The following KCNQ3 variants were observed in gnomAD, a reference collection of about 807,000 sequenced individuals.
The protein encoded by KCNQ3 is potassium voltage-gated channel subfamily Q member 3.
Under a neutral mutation model 92.5 loss-of-function variants are expected in KCNQ3, and 30 were observed. That is an observed-to-expected ratio of 0.32 (90% CI 0.24 to 0.44). The LOEUF (loss-of-function observed/expected upper bound fraction) is 0.44. Among genes scored for constraint, KCNQ3 ranks in the 20% least tolerant of loss-of-function variants. The pLI is 1.00. For missense variants in KCNQ3, 913 were observed against 1,140.3 expected, an observed-to-expected ratio of 0.80 and a Z score of 2.87; for synonymous variants, 450 against 468.8, an observed-to-expected ratio of 0.96 and a Z score of 0.52.
At chr8:132,385,742 TG>T (rs1204354250) in intron 1 of KCNQ3, among the ~76,000 whole-genome samples, 5 of 152,034 alleles carry the variant, frequency 3.3e-5, no homozygotes, top group African/African-American at 1.2e-4. Context: ...AATTTGTGTA[TG>T]GGTACAAAGT....
intron 1 of KCNQ3, among the ~76,000 whole-genome samples, chr8:132,445,125 C>A (rs1290898239): frequency 6.6e-6 from 1 of 152,104 alleles, no homozygotes; most frequent in Non-Finnish European, 1.5e-5. Flanking sequence ...CTCAGAAAGG[C>A]AAAAGGACCA....
intron 1 of KCNQ3, among the ~76,000 whole-genome samples, chr8:132,339,573 T>C (rs983243399): frequency 2.6e-5 from 4 of 152,182 alleles, no homozygotes; most frequent in African/African-American, 9.7e-5. Context: ...TTTTAAAAAT[T>C]AGCTGGGCAT....
intron 1 of KCNQ3, among the ~76,000 whole-genome samples, chr8:132,414,139 C>G (rs77793661): frequency 0.027 from 4,042 of 152,246 alleles, 180 homozygotes; most frequent in African/African-American, 0.092. Flanking sequence ...GGAGCTTAAC[C>G]TATATTATTT....
intron 1 of KCNQ3, among the ~76,000 whole-genome samples, chr8:132,375,769 C>T (rs543449168): frequency 6.6e-6 from 1 of 152,230 alleles, no homozygotes; most frequent in South Asian, 2.1e-4. Flanking sequence ...TCTCCTGGCC[C>T]ACTCCTTTTC....
intron 1 of KCNQ3, among the ~76,000 whole-genome samples, chr8:132,338,216 G>A (rs1486501244): frequency 6.6e-6 from 1 of 152,172 alleles, no homozygotes; most frequent in Non-Finnish European, 1.5e-5. Flanking sequence ...GGACCTTGGA[G>A]GTGAGGAGGC....
intron 1 of KCNQ3, among the ~76,000 whole-genome samples, chr8:132,439,578 G>T (rs1821481941): frequency 6.6e-6 from 1 of 152,142 alleles, no homozygotes; most frequent in South Asian, 2.1e-4. Context: ...GATGATTCCA[G>T]ATTACCTAGG....
intron 2 of KCNQ3, among the ~76,000 whole-genome samples, chr8:132,184,882 A>T (rs1826914236): frequency 6.6e-6 from 1 of 152,220 alleles, no homozygotes; most frequent in Non-Finnish European, 1.5e-5. Context: ...ACCAAGGCAC[A>T]GAGTAGTTAA....
intron 1 of KCNQ3, among the ~76,000 whole-genome samples, chr8:132,194,658 A>G (rs1430559306): frequency 6.6e-6 from 1 of 152,192 alleles, no homozygotes; most frequent in African/African-American, 2.4e-5. Flanking sequence ...TTCCCTTGGA[A>G]CCCAGACATG....
chr8:132,137,764 T>C, intron 12 of KCNQ3, 121 bp downstream of exon 12: 1 of 1,235,470 alleles, frequency 8.1e-7, no homozygotes, highest in Non-Finnish European at 1.2e-6. Flanking sequence ...GCTTCGTGGA[T>C]ATTTGTCTTC....
intron 1 of KCNQ3, among the ~76,000 whole-genome samples, chr8:132,362,483 T>C (rs574799587): frequency 6.6e-6 from 1 of 152,252 alleles, no homozygotes; most frequent in African/African-American, 2.4e-5. Flanking sequence ...ACAAAAACCA[T>C]GCCCTTGAGA....
chr8:132,459,317 TA>T (rs1822010031), intron 1 of KCNQ3, among the ~76,000 whole-genome samples: 1 of 152,186 alleles, frequency 6.6e-6, no homozygotes, highest in Non-Finnish European at 1.5e-5. Context: ...GGGTAACTTA[TA>T]AAGACAAGAG....
intron 1 of KCNQ3, among the ~76,000 whole-genome samples, chr8:132,218,802 C>A (rs1245247839): frequency 1.3e-5 from 2 of 151,878 alleles, no homozygotes; most frequent in African/African-American, 4.8e-5. Context: ...TGATAAATTT[C>A]CCTTACTGTG....
intron 1 of KCNQ3, among the ~76,000 whole-genome samples, chr8:132,435,142 G>T (rs796820392): frequency 6.6e-6 from 1 of 152,204 alleles, no homozygotes; most frequent in Non-Finnish European, 1.5e-5. Context: ...GTTAAGAAAG[G>T]ATGTGAGAAG....
At chr8:132,145,147 A>G (rs1825414415) in intron 9 of KCNQ3, among the ~76,000 whole-genome samples, 1 of 152,214 alleles carries the variant, frequency 6.6e-6, no homozygotes, top group Non-Finnish European at 1.5e-5. Context: ...GAAATTCCCA[A>G]CAAAGAATTA....
intron 1 of KCNQ3, among the ~76,000 whole-genome samples, chr8:132,247,932 A>G (rs1362805435): frequency 6.6e-6 from 1 of 151,898 alleles, no homozygotes; most frequent in African/African-American, 2.4e-5. Flanking sequence ...GACGAATGTT[A>G]GCTCACTTAA....
intron 1 of KCNQ3, among the ~76,000 whole-genome samples, chr8:132,256,206 A>G (rs1203213560): frequency 6.6e-6 from 1 of 152,176 alleles, no homozygotes. Flanking sequence ...AATAAAAAAT[A>G]AAGTGAAATG....
rs139063661 is a variant in KCNQ3, at chr8:132,144,092, G to A, written c.1263-2761C>T. On this transcript the variant is annotated intron_variant, in intron 9 of 14. Transcript: ENST00000388996. ...TTGGTTCTATCTGTGCTGGGATTTAGGATTTGCTTGTTAGATATTTAAATG... is the reference window on the plus strand; with the variant it reads ...TTGGTTCTATCTGTGCTGGGATTTAAGATTTGCTTGTTAGATATTTAAATG... Among the ~76,000 whole-genome samples, 260 of 152,288 alleles carry A rather than the reference G, an allele frequency of 1.7e-3. 2 individuals are homozygous for A. Among genetic ancestry groups the A allele is most frequent in the African/African-American group, 6.1e-3 (254 of 41,558 alleles).
At chr8:132,346,089 C>T (rs916216708) in intron 1 of KCNQ3, among the ~76,000 whole-genome samples, 9 of 151,736 alleles carry the variant, frequency 5.9e-5, no homozygotes, top group Non-Finnish European at 2.9e-5. Context: ...GACAAGATGA[C>T]GATGATGATG....
intron 1 of KCNQ3, among the ~76,000 whole-genome samples, chr8:132,271,837 C>T (rs1458243886): frequency 2.0e-5 from 3 of 152,136 alleles, no homozygotes; most frequent in African/African-American, 7.2e-5. Flanking sequence ...CATGCAAATC[C>T]GGCCCTGTGA....
Sources: gnomAD v4.1 joint callset for allele counts (sites outside exome capture counted in the v4.1 genomes callset) on GRCh38, gnomAD v4.1.1 for gene constraint, MANE v1.5 for transcripts, NCBI Gene and HGNC (gene_info 2026-07-23, HGNC 2026-07-21) for gene names.